The following TRIO variants were observed in gnomAD, a reference collection of about 807,000 sequenced individuals.
The protein encoded by TRIO is triple functional domain protein.
A neutral mutation model predicts 351.9 loss-of-function variants in TRIO; 58 were observed. The ratio of observed to expected loss-of-function variants is 0.16; its 90% CI spans 0.13 to 0.21. TRIO has a LOEUF of 0.21. Ranked by LOEUF, TRIO falls within the 10% of genes least tolerant of loss-of-function variation. The pLI is 1.00. For synonymous variants in TRIO, 1,758 were observed against 1,595.7 expected (o/e 1.10, Z -2.42); for missense variants, 3,201 against 4,027.8 (o/e 0.79, Z 5.56).
In TRIO at chr5:14,507,143, G is replaced by C. The variant is rs773332693; in HGVS notation, c.8634G>C (p.Leu2878=). 1.2e-6 allele frequency: 2 copies of C among 1,609,164 alleles called. No individual in the cohort carries two copies. Among genetic ancestry groups the C allele is most frequent in the African/African-American group, 2.7e-5 (2 of 74,658 alleles). ...VLEMADQGRL[L]DCVVRWGSLT... ...TTAGGGCTGACCAGGGTCGCCTCCT[G>C]GACTGCGTGGTGCGATGGGGAAGCC... is the stretch of plus-strand genomic sequence containing the variant. The change falls in exon 56 of 57, where the codon CTG becomes CTC. Residue 2878 remains leucine (L), a synonymous_variant. Coordinates refer to ENST00000344204, the MANE Select transcript of TRIO (RefSeq NM_007118.4).
In TRIO at chr5:14,270,915, C is replaced by T. The variant is rs977738292; in HGVS notation, c.232+16C>T. On this transcript the variant is annotated intron_variant, in intron 2 of 56. Coordinates refer to ENST00000344204, the MANE Select transcript of TRIO (RefSeq NM_007118.4). ...TACCTTTCAGGTAAAGTTTAACTTT[C>T]AACTCTGCTCTATCCAACTGCTCTG... The T allele has an allele frequency of 2.0e-5, 31 of 1,587,568 alleles. No homozygotes were observed. Among genetic ancestry groups the T allele is most frequent in the South Asian group, 2.2e-5 (2 of 90,410 alleles).
chr5:14,155,062 T>A (rs1788031683), intron 1 of TRIO, among the ~76,000 whole-genome samples: 1 of 152,100 alleles, frequency 6.6e-6, no homozygotes, highest in Non-Finnish European at 1.5e-5. Flanking sequence ...TGCTGTGTAG[T>A]TTTTGGTCAT....
intron 1 of TRIO, among the ~76,000 whole-genome samples, chr5:14,259,588 A>G (rs1795225395): frequency 6.6e-6 from 1 of 152,184 alleles, no homozygotes; most frequent in Admixed American, 6.5e-5. Context: ...CACCTGAGTC[A>G]ATATGAGCAA....
intron 27 of TRIO, among the ~76,000 whole-genome samples, chr5:14,392,240 GAA>G (rs113769072): frequency 1.1e-4 from 16 of 142,074 alleles, no homozygotes; most frequent in African/African-American, 4.0e-4. Flanking sequence ...AAATTTACAA[GAA>G]AAAAAAAAAA....
intron 43 of TRIO, among the ~76,000 whole-genome samples, chr5:14,480,984 C>A (rs1200921725): frequency 2.0e-5 from 3 of 151,890 alleles, no homozygotes; most frequent in African/African-American, 7.3e-5. Context: ...AAAAAAAATT[C>A]TTTCAGAACT....
At chr5:14,205,226 A>G (rs1156355854) in intron 1 of TRIO, among the ~76,000 whole-genome samples, 2 of 152,234 alleles carry the variant, frequency 1.3e-5, no homozygotes, top group African/African-American at 4.8e-5. Context: ...AGGTGGAGTT[A>G]CTTAGCACAT....
At chr5:14,157,436 TGTCTCC>T (rs1788166888) in intron 1 of TRIO, among the ~76,000 whole-genome samples, 2 of 147,832 alleles carry the variant, frequency 1.4e-5, no homozygotes, top group East Asian at 4.1e-4. Context: ...TCTCTCTCCC[TGTCTCC>T]CTCTCTCTCC....
At position 14,508,183 on chromosome 5, in the gene TRIO, G is replaced by C; in HGVS notation, c.9055G>C (p.Val3019Leu). ...CTTCCCAGATGACTACTTTAAAGGA[G>C]TGAGCCAGAAGGCCAAGGAGTTCGT... The part of the protein sequence containing the change: ...FSFPDDYFKG[V>L]SQKAKEFVCF... The change falls in exon 57 of 57, where the codon GTG becomes CTG. Residue 3019 changes from valine (V) to leucine (L), a missense_variant. Physicochemically the swap from Val to Leu is conservative, Grantham distance 32 (BLOSUM62 1). Transcript: ENST00000344204. 6.2e-7 allele frequency: 1 copy of C among 1,614,178 alleles called. No homozygotes were observed. Among genetic ancestry groups the C allele is most frequent in the Non-Finnish European group, 8.5e-7 (1 of 1,180,038 alleles).
intron 8 of TRIO, among the ~76,000 whole-genome samples, chr5:14,305,420 A>G (rs547430861): frequency 6.6e-6 from 1 of 152,336 alleles, no homozygotes; most frequent in East Asian, 1.9e-4. Context: ...CGAGGGGTGT[A>G]GAGAGGAATT....
chr5:14,507,812 C>T, intron 56 of TRIO, 68 bp from the exon 57 acceptor site: 1 of 1,544,916 alleles, frequency 6.5e-7, no homozygotes, highest in South Asian at 1.3e-5. Context: ...CCATAGAGTC[C>T]CGCCCATCAT....
At chr5:14,419,712 A>G in intron 33 of TRIO, 66 bp from the exon 34 acceptor site, 3 of 1,582,500 alleles carry the variant, frequency 1.9e-6, no homozygotes, top group Non-Finnish European at 2.6e-6. Flanking sequence ...AGGACTTCCC[A>G]GCTGTACCTG....
At chr5:14,439,618 A>G (rs1293764116) in intron 34 of TRIO, among the ~76,000 whole-genome samples, 1 of 152,216 alleles carries the variant, frequency 6.6e-6, no homozygotes, top group East Asian at 1.9e-4. Context: ...TTGCTAACAA[A>G]AGAGGAGGTT....
intron 40 of TRIO, among the ~76,000 whole-genome samples, chr5:14,475,409 C>G (rs1462998195): frequency 6.6e-6 from 1 of 152,210 alleles, no homozygotes; most frequent in Non-Finnish European, 1.5e-5. Context: ...TCCTTCTCTT[C>G]TGCAGAAGCA....
chr5:14,275,967 TATAC>T (rs1272972903), intron 2 of TRIO, among the ~76,000 whole-genome samples: 2 of 148,288 alleles, frequency 1.3e-5, no homozygotes, highest in South Asian at 2.1e-4. Flanking sequence ...TATACATATA[TATAC>T]ATACATATAT....
intron 2 of TRIO, among the ~76,000 whole-genome samples, chr5:14,276,859 T>C (rs1488820859): frequency 6.6e-6 from 1 of 152,224 alleles, no homozygotes; most frequent in Non-Finnish European, 1.5e-5. Context: ...CCAAGTCTCC[T>C]GGAGTTTTAA....
intron 47 of TRIO, among the ~76,000 whole-genome samples, chr5:14,487,017 G>C (rs529372011): frequency 6.6e-6 from 1 of 152,148 alleles, no homozygotes; most frequent in Admixed American, 6.5e-5. Flanking sequence ...ACAGCCTCCC[G>C]CTCCAGGGGC....
chr5:14,297,630 T>C lies in TRIO; in HGVS notation c.1368+367T>C, dbSNP rs1414289915. ...TCTCCTGGCTCCTTCTTTGCTCTTA[T>C]TCCTTGTTGATAGTGCTTTATTACT... On this transcript the variant is annotated intron_variant, in intron 7 of 56. Coordinates refer to ENST00000344204, the MANE Select transcript of TRIO (RefSeq NM_007118.4). The C allele has an allele frequency of 2.3e-5, 4 of 176,926 alleles. No homozygotes were observed. The East Asian group carries it at 5.8e-4, about 26-fold the overall frequency. The allele number at this position is 176,926 out of a possible 1,614,324, so 11.0% of individuals were successfully genotyped here.
chr5:14,176,369 C>A (rs1789403466), intron 1 of TRIO, among the ~76,000 whole-genome samples: 1 of 152,144 alleles, frequency 6.6e-6, no homozygotes, highest in Non-Finnish European at 1.5e-5. Flanking sequence ...ACTCAGGAGG[C>A]CGAGGCAGGA....
At chr5:14,232,160 G>C (rs185634926) in intron 1 of TRIO, among the ~76,000 whole-genome samples, 47 of 152,272 alleles carry the variant, frequency 3.1e-4, no homozygotes, top group African/African-American at 1.1e-3. Context: ...AGGTCATATA[G>C]CTGGTAGGGG....
Sources: gnomAD v4.1 joint callset for allele counts (sites outside exome capture counted in the v4.1 genomes callset) on GRCh38, gnomAD v4.1.1 for gene constraint, MANE v1.5 for transcripts, NCBI Gene and HGNC (gene_info 2026-07-23, HGNC 2026-07-21) for gene names.